Variants in ATG10 observed in about 807,000 individuals in gnomAD.
ATG10 encodes autophagy related 10.
In ATG10, 30 loss-of-function variants were observed where a neutral mutation model predicts 32.1. The observed-to-expected ratio is 0.94, with a 90% CI of 0.70 to 1.27. ATG10 has a LOEUF of 1.27. Among genes scored for constraint, ATG10 ranks in the 50% most tolerant of loss-of-function variants. The pLI is 0.00. For missense variants in ATG10, 233 were observed against 262.3 expected (o/e 0.89, Z 0.77); for synonymous variants, 87 against 91.5 (o/e 0.95, Z 0.28).
At chr5:81,996,139 C>T (rs1302122724) in intron 2 of ATG10, among the ~76,000 whole-genome samples, 1 of 152,176 alleles carries the variant, frequency 6.6e-6, no homozygotes, top group Non-Finnish European at 1.5e-5. Flanking sequence ...CACTAATTTA[C>T]CTTTAAAATG....
At chr5:82,009,955 C>G (rs940194680) in intron 2 of ATG10, 19 of 1,611,544 alleles carry the variant, frequency 1.2e-5, no homozygotes, top group Non-Finnish European at 1.6e-5. Flanking sequence ...CCCTTATAAC[C>G]AAATCCTTTC....
intron 3 of ATG10, among the ~76,000 whole-genome samples, chr5:82,104,826 T>A (rs1342064265): frequency 6.6e-6 from 1 of 152,126 alleles, no homozygotes; most frequent in Non-Finnish European, 1.5e-5. Context: ...ATATACAAGG[T>A]CTTTTGTTAT....
chr5:82,132,978 A>C (rs1766601994), intron 3 of ATG10, among the ~76,000 whole-genome samples: 2 of 152,148 alleles, frequency 1.3e-5, no homozygotes, highest in African/African-American at 4.8e-5. Context: ...ATTTGCATTT[A>C]TCTAATTACC....
At chr5:82,077,513 G>C (rs1007944016) in intron 3 of ATG10, among the ~76,000 whole-genome samples, 1 of 151,994 alleles carries the variant, frequency 6.6e-6, no homozygotes, top group Non-Finnish European at 1.5e-5. Context: ...TACTTTATAA[G>C]TGTATTGCTT....
intron 2 of ATG10, among the ~76,000 whole-genome samples, chr5:82,056,300 G>A (rs1763592190): frequency 1.3e-5 from 2 of 152,134 alleles, no homozygotes; most frequent in African/African-American, 4.8e-5. Context: ...TGAAAAATCT[G>A]AGATAGAACT....
At chr5:82,110,312 C>T (rs1346332919) in intron 3 of ATG10, among the ~76,000 whole-genome samples, 3 of 152,078 alleles carry the variant, frequency 2.0e-5, no homozygotes, top group Admixed American at 6.6e-5. Context: ...TGGGTATATA[C>T]CCAGTAATGG....
intron 3 of ATG10, among the ~76,000 whole-genome samples, chr5:82,086,733 CA>C (rs1004908803): frequency 6.6e-6 from 1 of 152,126 alleles, no homozygotes; most frequent in African/African-American, 2.4e-5. Flanking sequence ...CACACAAGTG[CA>C]TGTGTATCTG....
chr5:82,190,853 T>G (rs923205045), intron 5 of ATG10, among the ~76,000 whole-genome samples: 1 of 152,006 alleles, frequency 6.6e-6, no homozygotes, highest in Non-Finnish European at 1.5e-5. Flanking sequence ...TTAACCAATT[T>G]TATGTTGTGA....
At chr5:82,029,814 AAAT>A (rs1277227054) in intron 2 of ATG10, among the ~76,000 whole-genome samples, 1 of 152,146 alleles carries the variant, frequency 6.6e-6, no homozygotes, top group African/African-American at 2.4e-5. Flanking sequence ...TTTTGTGAAA[AAAT>A]ACTCACTAGC....
intron 3 of ATG10, among the ~76,000 whole-genome samples, chr5:82,132,617 G>GTGTATA (rs1337321574): frequency 2.0e-5 from 3 of 152,014 alleles, no homozygotes; most frequent in African/African-American, 7.3e-5. Flanking sequence ...TTATTCTATG[G>GTGTATA]TGTATATGTG....
chr5:82,132,865 A>G (rs1047851335), intron 3 of ATG10, among the ~76,000 whole-genome samples: 1 of 152,134 alleles, frequency 6.6e-6, no homozygotes, highest in African/African-American at 2.4e-5. Flanking sequence ...AACAGTGTAA[A>G]AGCATTCCTA....
At chr5:81,996,990 C>G (rs1761684051) in intron 2 of ATG10, among the ~76,000 whole-genome samples, 1 of 152,188 alleles carries the variant, frequency 6.6e-6, no homozygotes, top group Non-Finnish European at 1.5e-5. Flanking sequence ...GGCTGCCAGT[C>G]TCGTGTCTGC....
intron 2 of ATG10, among the ~76,000 whole-genome samples, chr5:82,034,853 A>G (rs1762861772): frequency 6.6e-6 from 1 of 152,136 alleles, no homozygotes; most frequent in Non-Finnish European, 1.5e-5. Context: ...GTAAAATAGC[A>G]TCTTCTCAAC....
chr5:82,187,069 AG>A (rs754509142), intron 5 of ATG10, among the ~76,000 whole-genome samples: 1 of 151,296 alleles, frequency 6.6e-6, no homozygotes, highest in Non-Finnish European at 1.5e-5. Context: ...GCTACTCAGG[AG>A]GCCGAGGTGG....
At chr5:81,998,382 A>C (rs539428757) in intron 2 of ATG10, among the ~76,000 whole-genome samples, 2 of 152,354 alleles carry the variant, frequency 1.3e-5, no homozygotes, top group South Asian at 4.1e-4. Context: ...AGAGGTGCTG[A>C]GGAAGGGCTA....
chr5:82,101,749 G>A (rs574955088), intron 3 of ATG10, among the ~76,000 whole-genome samples: 1 of 152,310 alleles, frequency 6.6e-6, no homozygotes, highest in South Asian at 2.1e-4. Context: ...TATCAGGGAA[G>A]TTTTAGGAAG....
chr5:82,034,567 T>C (rs756738669), intron 2 of ATG10, among the ~76,000 whole-genome samples: 1 of 152,200 alleles, frequency 6.6e-6, no homozygotes, highest in Admixed American at 6.5e-5. Context: ...TCCTATTTAG[T>C]CTGAGTGAAA....
intron 4 of ATG10, among the ~76,000 whole-genome samples, chr5:82,168,358 A>T (rs1743662773): frequency 6.6e-6 from 1 of 152,236 alleles, no homozygotes; most frequent in African/African-American, 2.4e-5. Flanking sequence ...TTCATCTTGA[A>T]TTCTGATTCA....
intron 3 of ATG10, among the ~76,000 whole-genome samples, chr5:82,105,719 C>T (rs1411052602): frequency 1.3e-5 from 2 of 152,040 alleles, no homozygotes; most frequent in Non-Finnish European, 2.9e-5. Flanking sequence ...CCTATGGCAC[C>T]CACCTAACAG....
Sources: allele counts gnomAD v4.1 joint callset (sites outside exome capture counted in the v4.1 genomes callset), GRCh38; gene constraint gnomAD v4.1.1; transcripts MANE v1.5; gene names NCBI Gene and HGNC (gene_info 2026-07-23, HGNC 2026-07-21).